The following CNOT6L variants were observed in gnomAD, a reference collection of about 807,000 sequenced individuals.
CNOT6L encodes CCR4-NOT transcription complex subunit 6-like.
CNOT6L carries 7 observed loss-of-function variants against 64.0 expected under a neutral mutation model. The observed-to-expected ratio is 0.11, with a 90% CI of 0.06 to 0.21. The LOEUF is 0.21. CNOT6L is among the 10% of genes least tolerant of loss of function. The pLI is 1.00. For missense variants in CNOT6L, 245 were observed against 669.0 expected (o/e 0.37, Z 6.99); for synonymous variants, 193 against 243.4 (o/e 0.79, Z 1.93).
chr4:77,735,168 T>C (rs77080586), intron 8 of CNOT6L, among the ~76,000 whole-genome samples: 4,435 of 152,248 alleles, frequency 0.029, 108 homozygotes, highest in Middle Eastern at 0.058. Flanking sequence ...TCACAGGCCA[T>C]ATAAGCTCTA....
intron 6 of CNOT6L, 46 bp from the exon 7 acceptor site, chr4:77,744,921 G>A (rs763165379): frequency 2.6e-6 from 4 of 1,543,370 alleles, no homozygotes; most frequent in Non-Finnish European, 3.5e-6. Flanking sequence ...AGAAAATTAG[G>A]CAACTTTTTC....
chr4:77,729,971 T>C (rs765041062), intron 9 of CNOT6L, among the ~76,000 whole-genome samples: 2 of 152,132 alleles, frequency 1.3e-5, no homozygotes, highest in Non-Finnish European at 2.9e-5. Context: ...ACAAGAGCTA[T>C]AATCTAGAGT....
chr4:77,801,808 G>A (rs1339841746), intron 1 of CNOT6L, among the ~76,000 whole-genome samples: 4 of 151,656 alleles, frequency 2.6e-5, no homozygotes, highest in Non-Finnish European at 5.9e-5. Flanking sequence ...AGGACTGCTT[G>A]AAGTCAGGAG....
chr4:77,780,480 A>G (rs1728736460), intron 1 of CNOT6L, among the ~76,000 whole-genome samples: 1 of 152,196 alleles, frequency 6.6e-6, no homozygotes, highest in African/African-American at 2.4e-5. Context: ...ACTCCATTTC[A>G]ACAGTACGAA....
At chr4:77,769,200 A>T (rs1727258862) in intron 4 of CNOT6L, among the ~76,000 whole-genome samples, 1 of 152,234 alleles carries the variant, frequency 6.6e-6, no homozygotes, top group South Asian at 2.1e-4. Flanking sequence ...ATTCATAAAA[A>T]GGTTAGAACA....
chr4:77,772,862 G>A (rs954872873), intron 4 of CNOT6L, among the ~76,000 whole-genome samples: 1 of 152,152 alleles, frequency 6.6e-6, no homozygotes, highest in African/African-American at 2.4e-5. Context: ...GGCAGAGCTT[G>A]CAGTGAGCCA....
chr4:77,776,481 C>T, intron 1 of CNOT6L, 89 bp from the exon 2 acceptor site: 3 of 883,206 alleles, frequency 3.4e-6, no homozygotes, highest in Non-Finnish European at 5.0e-6. Flanking sequence ...CCTTTTCTCT[C>T]CCATTACCAG....
chr4:77,788,189 C>T lies in CNOT6L; in HGVS notation c.6-11797G>A, dbSNP rs557830212. ...TTTGCATACTAAGGTAAAATGTAAG[C>T]GAACAGTTTTTTAAAAACTTGGATG... On this transcript the variant is annotated intron_variant, in intron 1 of 11. Transcript: ENST00000504123. Among the ~76,000 whole-genome samples the T allele has an allele frequency of 2.6e-5, 4 of 152,006 alleles. No homozygotes were observed. In the East Asian group the frequency reaches 5.8e-4, roughly 22 times the overall value.
intron 1 of CNOT6L, among the ~76,000 whole-genome samples, chr4:77,810,488 G>A (rs1378358843): frequency 6.6e-6 from 1 of 151,956 alleles, no homozygotes; most frequent in Non-Finnish European, 1.5e-5. Flanking sequence ...CCCCCAATAT[G>A]GCAAAGGTTT....
chr4:77,800,625 AT>A (rs1314668060), intron 1 of CNOT6L, among the ~76,000 whole-genome samples: 1 of 152,246 alleles, frequency 6.6e-6, no homozygotes, highest in African/African-American at 2.4e-5. Flanking sequence ...ATTATACAAT[AT>A]TTTAATGTTA....
chr4:77,787,119 C>T (rs1213628427), intron 1 of CNOT6L, among the ~76,000 whole-genome samples: 2 of 151,664 alleles, frequency 1.3e-5, no homozygotes, highest in Admixed American at 6.6e-5. Flanking sequence ...TACAAAAAAA[C>T]AGCCGGGTGT....
intron 11 of CNOT6L, among the ~76,000 whole-genome samples, chr4:77,723,055 C>T (rs1272615331): frequency 6.6e-6 from 1 of 152,106 alleles, no homozygotes; most frequent in African/African-American, 2.4e-5. Context: ...CATAATGTAA[C>T]AGAAAAGTTT....
chr4:77,798,821 TA>T (rs34937110), intron 1 of CNOT6L, among the ~76,000 whole-genome samples: 24 of 145,536 alleles, frequency 1.6e-4, no homozygotes, highest in African/African-American at 3.3e-4. Context: ...CCATTTCAAT[TA>T]AAAAAAAAAA....
At position 77,716,665 on chromosome 4, in the gene CNOT6L, T is replaced by C. The variant is rs1046035633; in HGVS notation, c.*3766A>G. 1 of 152,550 alleles carries C rather than the reference T, an allele frequency of 6.6e-6. No homozygotes were observed. Among genetic ancestry groups the C allele is most frequent in the African/African-American group, 2.4e-5 (1 of 41,426 alleles). The allele number at this position is 152,550 out of a possible 1,614,324, so 9.4% of individuals were successfully genotyped here. A position where few individuals can be genotyped will look rare whatever the true frequency, so the allele number is the denominator to read the frequency against. On this transcript the variant is annotated 3_prime_UTR_variant, in exon 12 of 12. Coordinates refer to ENST00000504123, the MANE Select transcript of CNOT6L (RefSeq NM_144571.3). ...TAATCTACCATAGAATCAAGTGATA[T>C]GAGCCTTAGATATCTTTCAACTTTC...
chr4:77,786,812 G>A (rs1327704821), intron 1 of CNOT6L, among the ~76,000 whole-genome samples: 1 of 152,004 alleles, frequency 6.6e-6, no homozygotes, highest in Non-Finnish European at 1.5e-5. Context: ...TATGAGGAGA[G>A]AGGCTGTTCA....
intron 4 of CNOT6L, among the ~76,000 whole-genome samples, chr4:77,767,095 A>G (rs1477951906): frequency 1.5e-5 from 2 of 136,292 alleles, no homozygotes; most frequent in Non-Finnish European, 3.1e-5. Flanking sequence ...AAGGGAAAAA[A>G]GACAGTTGTG....
rs1269437413 is a variant in CNOT6L at position 77,728,931 on chromosome 4, C to T, written c.1175G>A (p.Arg392Lys). The change falls in exon 10 of 12, where the codon AGG becomes AAG. Residue 392 changes from arginine (R) to lysine (K), a missense_variant. Physicochemically the swap from Arg to Lys is conservative, Grantham distance 26. Transcript: ENST00000504123. ...AGGATCTGCAGTTGGGCTTCCAGGC[C>T]TACTAGAGGCTTTCTCCAGAATGTT... ...VKNILEKASS[R>K]PGSPTADPNS... The T allele has an allele frequency of 6.2e-7, 1 of 1,613,708 alleles. No individual in the cohort carries two copies. The highest frequency in any genetic ancestry group is 8.5e-7 in the Non-Finnish European group (1 of 1,179,796).
intron 6 of CNOT6L, 133 bp downstream of exon 6, chr4:77,748,183 C>G (rs994083536): frequency 1.4e-6 from 1 of 690,896 alleles, no homozygotes; most frequent in Admixed American, 2.6e-5. Context: ...TTTTAAAAGT[C>G]TATCCATCAG....
intron 4 of CNOT6L, among the ~76,000 whole-genome samples, chr4:77,757,978 G>T (rs1725749028): frequency 6.6e-6 from 1 of 152,128 alleles, no homozygotes; most frequent in African/African-American, 2.4e-5. Context: ...GGGATTACAG[G>T]CATGAGCCAC....
Sources: allele counts gnomAD v4.1 joint callset (sites outside exome capture counted in the v4.1 genomes callset), GRCh38; gene constraint gnomAD v4.1.1; transcripts MANE v1.5; gene names NCBI Gene and HGNC (gene_info 2026-07-23, HGNC 2026-07-21).